The following RYR2 variants were observed in gnomAD, a reference collection of about 807,000 sequenced individuals.
RYR2 encodes cardiac muscle ryanodine receptor-calcium release channel.
RYR2 carries 227 observed loss-of-function variants against 601.1 expected under a neutral mutation model. That is an observed-to-expected ratio of 0.38 (90% CI 0.34 to 0.42). The LOEUF (loss-of-function observed/expected upper bound fraction) is 0.42. RYR2 is among the 10% of genes least tolerant of loss of function. The probability of loss-of-function intolerance (pLI) is 1.00; values close to 1 mark genes in which losing one functional copy is unlikely to be tolerated. For synonymous variants in RYR2, 2,223 were observed against 2,175.1 expected (o/e 1.02, Z -0.61); for missense variants, 4,646 against 6,156.5 (o/e 0.75, Z 8.21).
chr1:237,293,599 C>T (rs1692460855), intron 2 of RYR2, among the ~76,000 whole-genome samples: 1 of 152,114 alleles, frequency 6.6e-6, no homozygotes. Flanking sequence ...GATCCCCCTC[C>T]TCATGATAGA....
intron 47 of RYR2, among the ~76,000 whole-genome samples, chr1:237,641,632 C>G (rs1360596070): frequency 6.6e-6 from 1 of 152,006 alleles, no homozygotes; most frequent in Non-Finnish European, 1.5e-5. Context: ...ATCTATGCCT[C>G]CCAGGTTCAA....
chr1:237,321,760 G>A (rs1424978429), intron 2 of RYR2, among the ~76,000 whole-genome samples: 1 of 152,178 alleles, frequency 6.6e-6, no homozygotes, highest in Non-Finnish European at 1.5e-5. Flanking sequence ...GTCATAAATT[G>A]TATTCTTATG....
chr1:237,711,991 G>T (rs1461465345), intron 71 of RYR2, among the ~76,000 whole-genome samples, 154 bp downstream of exon 71: 1 of 152,052 alleles, frequency 6.6e-6, no homozygotes, highest in East Asian at 1.9e-4. Flanking sequence ...CTGTTTTAAG[G>T]TTACTGGAAT....
At chr1:237,269,555 G>C (rs1689475186) in intron 1 of RYR2, among the ~76,000 whole-genome samples, 1 of 152,054 alleles carries the variant, frequency 6.6e-6, no homozygotes, top group South Asian at 2.1e-4. Flanking sequence ...GTTTCCTTGA[G>C]GTTGAGATGT....
At chr1:237,721,497 A>G (rs1421028635) in intron 73 of RYR2, among the ~76,000 whole-genome samples, 7 of 152,062 alleles carry the variant, frequency 4.6e-5, no homozygotes, top group Non-Finnish European at 1.0e-4. Context: ...GTAGAAGACA[A>G]GGGGATTGCT....
At chr1:237,472,937 G>C (rs1572482003) in intron 17 of RYR2, among the ~76,000 whole-genome samples, 1 of 151,840 alleles carries the variant, frequency 6.6e-6, no homozygotes, top group South Asian at 2.1e-4. Flanking sequence ...TAGACCCAAA[G>C]GATAGAGAAG....
chr1:237,143,516 A>G (rs1673615794), intron 1 of RYR2, among the ~76,000 whole-genome samples: 1 of 152,110 alleles, frequency 6.6e-6, no homozygotes, highest in Non-Finnish European at 1.5e-5. Flanking sequence ...CCAGCCTCCC[A>G]TAACTGTCCA....
intron 16 of RYR2, 44 bp from the exon 17 acceptor site, chr1:237,469,048 G>C: frequency 2.0e-6 from 3 of 1,527,042 alleles, no homozygotes; most frequent in South Asian, 1.1e-5. Flanking sequence ...CAATTTTCGA[G>C]CTAGAAAATC....
chr1:237,460,548 C>T (rs1659359108), intron 16 of RYR2, among the ~76,000 whole-genome samples: 1 of 152,168 alleles, frequency 6.6e-6, no homozygotes, highest in Non-Finnish European at 1.5e-5. Context: ...TATTCACTAC[C>T]TAGCACTATG....
At chr1:237,810,702 C>T (rs1402343181) in intron 100 of RYR2, among the ~76,000 whole-genome samples, 1 of 152,032 alleles carries the variant, frequency 6.6e-6, no homozygotes, top group Admixed American at 6.6e-5. Context: ...TCTAAATGAT[C>T]ATTAGTAGTG....
intron 28 of RYR2, among the ~76,000 whole-genome samples, chr1:237,568,789 TG>T (rs1672357553): frequency 6.6e-6 from 1 of 152,164 alleles, no homozygotes; most frequent in African/African-American, 2.4e-5. Flanking sequence ...AACCGTATTC[TG>T]GGAAACATTC....
intron 37 of RYR2, among the ~76,000 whole-genome samples, chr1:237,615,539 T>C (rs1303534337): frequency 2.0e-5 from 3 of 152,110 alleles, no homozygotes; most frequent in African/African-American, 4.8e-5. Flanking sequence ...GTCTTTATGC[T>C]CCTCAAGATG....
chr1:237,202,438 C>A (rs976401514), intron 1 of RYR2, among the ~76,000 whole-genome samples: 4 of 151,938 alleles, frequency 2.6e-5, no homozygotes, highest in Non-Finnish European at 4.4e-5. Flanking sequence ...GTCAGGGTCT[C>A]GCTCTGTTGC....
rs187005593 is a variant in RYR2, at chr1:237,173,683, T to G, written c.49-96814T>G. Among the ~76,000 whole-genome samples the G allele has an allele frequency of 5.8e-3, 884 of 152,292 alleles. 3 individuals are homozygous for G. The highest frequency in any genetic ancestry group is 9.1e-3 in the Non-Finnish European group (619 of 68,030). On this transcript the variant is annotated intron_variant, in intron 1 of 104. Transcript: ENST00000366574. ...TGTCTATACACGCACACAGTTTATA[T>G]GTGTGATTCTTAATTGCTTGGTAGG...
At chr1:237,206,034 C>T (rs537107297) in intron 1 of RYR2, among the ~76,000 whole-genome samples, 4 of 152,282 alleles carry the variant, frequency 2.6e-5, no homozygotes, top group Non-Finnish European at 5.9e-5. Flanking sequence ...GGATGGCCAC[C>T]GGGTCCACCA....
Position 237,131,080 on chromosome 1 carries a change from G to A in RYR2, c.48+88511G>A, listed in dbSNP as rs1454419888. 2.6e-5 allele frequency among the ~76,000 whole-genome samples: 4 copies of A among 152,108 alleles called. No homozygotes were observed. The East Asian group carries it at 5.8e-4, about 22-fold the overall frequency. On this transcript the variant is annotated intron_variant, in intron 1 of 104. Coordinates refer to ENST00000366574, the MANE Select transcript of RYR2 (RefSeq NM_001035.3). Reference sequence around the variant, plus strand: ...AAAAGCCAGAGAAAGATAGCCCCTGGCACAGATGAGCAGGGTCTGCTGAAA... The same window carrying A: ...AAAAGCCAGAGAAAGATAGCCCCTGACACAGATGAGCAGGGTCTGCTGAAA...
chr1:237,754,937 C>CTTTTTTTTTTTTT, intron 80 of RYR2: 2 of 416,818 alleles, frequency 4.8e-6, no homozygotes, highest in Non-Finnish European at 4.0e-6. Context: ...AAAGCTGCCT[C>CTTTTTTTTTTTTT]TTTTTTTTTC....
rs889579515 is a variant in RYR2 at position 237,527,938 on chromosome 1, G to A, written c.2823-2489G>A. Among the ~76,000 whole-genome samples, 5 of 152,276 alleles carry A rather than the reference G, an allele frequency of 3.3e-5. 1 individual carries two copies. Among genetic ancestry groups the A allele is most frequent in the African/African-American group, 2.4e-5 (1 of 41,540 alleles). On this transcript the variant is annotated intron_variant, in intron 24 of 104. Coordinates refer to ENST00000366574, the MANE Select transcript of RYR2 (RefSeq NM_001035.3). ...CGCCCTGCTACTTTGTCCTGCCCAG[G>A]ATGCGAATCATCGCTTTGTCCCCCT...
intron 1 of RYR2, among the ~76,000 whole-genome samples, chr1:237,047,982 T>C (rs553420211): frequency 7.7e-4 from 117 of 152,188 alleles, no homozygotes; most frequent in Non-Finnish European, 1.4e-3. Flanking sequence ...GACTCTTTTT[T>C]GTAGGAGAAA....
Sources: gnomAD v4.1 joint callset for allele counts (sites outside exome capture counted in the v4.1 genomes callset) on GRCh38, gnomAD v4.1.1 for gene constraint, MANE v1.5 for transcripts, NCBI Gene and HGNC (gene_info 2026-07-23, HGNC 2026-07-21) for gene names.